Variants in COLEC11 observed in about 807,000 individuals in gnomAD.
The protein encoded by COLEC11 is collectin-11.
A neutral mutation model predicts 27.3 loss-of-function variants in COLEC11; 20 were observed. The ratio of observed to expected loss-of-function variants is 0.73; its 90% CI spans 0.51 to 1.06. COLEC11 has a LOEUF of 1.06. Among genes scored for constraint, COLEC11 ranks in the 50% least tolerant of loss-of-function variants. COLEC11 has a pLI of 0.00. For synonymous variants in COLEC11, 163 were observed against 154.7 expected (o/e 1.05, Z -0.40); for missense variants, 310 against 383.0 (o/e 0.81, Z 1.59).
chr2:3,605,227 G>A (rs889753393), intron 2 of COLEC11: 7 of 409,816 alleles, frequency 1.7e-5, no homozygotes, highest in Non-Finnish European at 2.5e-5. Context: ...TGCCAGTGTC[G>A]GGTGGCAGGG....
intron 2 of COLEC11, among the ~76,000 whole-genome samples, chr2:3,608,252 G>A (rs1212538139): frequency 6.6e-6 from 1 of 152,190 alleles, no homozygotes; most frequent in Non-Finnish European, 1.5e-5. Flanking sequence ...TTTGAGCGAG[G>A]AGAGAGCTGC....
intron 2 of COLEC11, chr2:3,606,068 A>G: frequency 6.5e-7 from 1 of 1,548,234 alleles, no homozygotes; most frequent in Non-Finnish European, 8.7e-7. Context: ...TTTTGGTGAA[A>G]GTGGCTTTGG....
chr2:3,616,048 G>T (rs1304713196), intron 3 of COLEC11, among the ~76,000 whole-genome samples: 2 of 151,204 alleles, frequency 1.3e-5, no homozygotes, highest in African/African-American at 2.4e-5. Context: ...GAGGCGGGGC[G>T]GCCGGGCAGA....
At chr2:3,627,390 G>T (rs1197286723) in intron 3 of COLEC11, among the ~76,000 whole-genome samples, 1 of 147,880 alleles carries the variant, frequency 6.8e-6, no homozygotes, top group Non-Finnish European at 1.5e-5. Context: ...GTGATGCTGG[G>T]CACAACGCTG....
chr2:3,626,507 A>G (rs1664569261), intron 3 of COLEC11, among the ~76,000 whole-genome samples: 1 of 152,222 alleles, frequency 6.6e-6, no homozygotes, highest in Admixed American at 6.5e-5. Context: ...TGGATGCGGC[A>G]GTTGCCTGGT....
intron 2 of COLEC11, chr2:3,606,195 T>G (rs1662680888): frequency 6.5e-7 from 1 of 1,550,234 alleles, no homozygotes; most frequent in Non-Finnish European, 8.7e-7. Context: ...CTGCCCAATG[T>G]GGTGGGTGCC....
intron 2 of COLEC11, chr2:3,605,658 A>T (rs1290157778): frequency 5.1e-6 from 1 of 195,048 alleles, no homozygotes; most frequent in African/African-American, 2.4e-5. Flanking sequence ...CCCCCTCCTC[A>T]TCCGCGGTCC....
intron 3 of COLEC11, among the ~76,000 whole-genome samples, chr2:3,630,060 G>A (rs544875036): frequency 1.5e-5 from 1 of 68,610 alleles, no homozygotes; most frequent in South Asian, 6.5e-4. Context: ...TTACGTGTTT[G>A]CATATTGCAT....
chr2:3,642,834 T>G (rs1224184746), intron 5 of COLEC11, among the ~76,000 whole-genome samples: 3 of 152,166 alleles, frequency 2.0e-5, no homozygotes, highest in Admixed American at 6.5e-5. Context: ...CAGGTGCTCC[T>G]GGTGATGCTG....
At chr2:3,640,224 C>G (rs1278119115) in intron 4 of COLEC11, 54 bp from the exon 5 acceptor site, 2 of 1,047,038 alleles carry the variant, frequency 1.9e-6, no homozygotes, top group Non-Finnish European at 3.0e-6. Context: ...GTTTTTAACA[C>G]ATAGAACATG....
Position 3,602,383 on chromosome 2 carries a change from TC to T in COLEC11, c.-26-1931del, listed in dbSNP as rs1208050207. 2.6e-5 allele frequency among the ~76,000 whole-genome samples: 4 copies of T among 152,212 alleles called. No individual in the cohort carries two copies. The highest frequency in any genetic ancestry group is 4.4e-5 in the Non-Finnish European group (3 of 68,036). ...CACTTCACCTCCTCAGTTCTGTTTCTCAGCAGCTGGCTGCACTGTTCACCTG... is the reference window on the plus strand; with the variant it reads ...CACTTCACCTCCTCAGTTCTGTTTCTAGCAGCTGGCTGCACTGTTCACCTG... On this transcript the variant is annotated intron_variant, in intron 1 of 6. Coordinates refer to ENST00000349077, the MANE Select transcript of COLEC11 (RefSeq NM_024027.5). This position sits in a 1 kb window ranked among gnomAD's most constrained non-coding sequence, Gnocchi z 6.2.
At chr2:3,595,588 G>A (rs1256476981) in intron 1 of COLEC11, among the ~76,000 whole-genome samples, 3 of 152,200 alleles carry the variant, frequency 2.0e-5, no homozygotes, top group Non-Finnish European at 4.4e-5. Context: ...CAGCAGCCAC[G>A]ACTGCCCCCA....
chr2:3,639,559 G>T (rs1264370670), intron 4 of COLEC11, among the ~76,000 whole-genome samples: 1 of 152,188 alleles, frequency 6.6e-6, no homozygotes, highest in Non-Finnish European at 1.5e-5. Context: ...AGAGGCATTT[G>T]GGGCCTCTCT....
At chr2:3,606,355 T>G in intron 2 of COLEC11, 2 of 906,328 alleles carry the variant, frequency 2.2e-6, no homozygotes, top group Non-Finnish European at 3.4e-6. Flanking sequence ...ACGTCCTGGG[T>G]CCCCTGGATG....
At chr2:3,628,537 C>T (rs1169819714) in intron 3 of COLEC11, among the ~76,000 whole-genome samples, 1 of 152,264 alleles carries the variant, frequency 6.6e-6, no homozygotes, top group East Asian at 1.9e-4. Flanking sequence ...GGGGACCTGG[C>T]TGCAGTGGGG....
chr2:3,603,506 G>A lies in COLEC11; in HGVS notation c.-26-809G>A, dbSNP rs1572386984. Reference sequence around the variant, plus strand: ...TAATTTTTGTATTTTTAGAAGACATGCGGTTTCACCATGTTGTCCAGACTG... The same window carrying A: ...TAATTTTTGTATTTTTAGAAGACATACGGTTTCACCATGTTGTCCAGACTG... On this transcript the variant is annotated intron_variant, in intron 1 of 6. Coordinates refer to ENST00000349077, the MANE Select transcript of COLEC11 (RefSeq NM_024027.5). 7 of 727,104 alleles carry A rather than the reference G, an allele frequency of 9.6e-6. No individual in the cohort carries two copies. The East Asian group carries it at 1.7e-4, about 17-fold the overall frequency. 45.0% of individuals were successfully genotyped at this position (727,104 alleles called of 1,614,324 possible).
intron 1 of COLEC11, among the ~76,000 whole-genome samples, chr2:3,600,140 C>T (rs1291490597): frequency 4.1e-5 from 6 of 148,024 alleles, no homozygotes; most frequent in African/African-American, 1.0e-4. Context: ...GAAGCTGAGG[C>T]GGGAGAATGG....
Position 3,602,356 on chromosome 2 carries a change from T to C in COLEC11, c.-26-1959T>C, listed in dbSNP as rs1662294504. On this transcript the variant is annotated intron_variant, in intron 1 of 6. Transcript: ENST00000349077. The surrounding 1 kb of genome is among the most constrained non-coding windows in gnomAD (Gnocchi z 6.2). ...GGAAAGTTGAACCCGAGCCCCTGACTTCACTTCACCTCCTCAGTTCTGTTT... is the reference window on the plus strand; with the variant it reads ...GGAAAGTTGAACCCGAGCCCCTGACCTCACTTCACCTCCTCAGTTCTGTTT... Among the ~76,000 whole-genome samples the C allele has an allele frequency of 6.6e-6, 1 of 152,112 alleles. No individual in the cohort carries two copies. The highest frequency in any genetic ancestry group is 1.5e-5 in the Non-Finnish European group (1 of 68,020).
intron 1 of COLEC11, among the ~76,000 whole-genome samples, chr2:3,595,387 A>G (rs568612901): frequency 6.6e-6 from 1 of 152,338 alleles, no homozygotes; most frequent in African/African-American, 2.4e-5. Flanking sequence ...CGTGGAGCCT[A>G]TTGATGAGAT....
Sources: gnomAD v4.1 joint callset for allele counts (sites outside exome capture counted in the v4.1 genomes callset) on GRCh38, gnomAD v4.1.1 for gene constraint, Gnocchi (gnomAD v3.1) non-coding constraint, MANE v1.5 for transcripts, NCBI Gene and HGNC (gene_info 2026-07-23, HGNC 2026-07-21) for gene names.